The following FAXC variants were observed in gnomAD, a reference collection of about 807,000 sequenced individuals.
FAXC encodes failed axon connections homolog, metaxin like GST domain containing.
In FAXC, 10 loss-of-function variants were observed where a neutral mutation model predicts 41.9. The observed-to-expected ratio is 0.24, with a 90% CI of 0.15 to 0.41. FAXC has a LOEUF of 0.41. Among genes scored for constraint, FAXC ranks in the 10% least tolerant of loss-of-function variants. The pLI is 1.00. For missense variants in FAXC, 399 were observed against 510.9 expected (o/e 0.78, Z 2.11); for synonymous variants, 183 against 183.8 (o/e 1.00, Z 0.03).
At chr6:99,308,564 T>A (rs893911980) in intron 4 of FAXC, among the ~76,000 whole-genome samples, 1 of 151,526 alleles carries the variant, frequency 6.6e-6, no homozygotes, top group African/African-American at 2.4e-5. Flanking sequence ...AGGGAAATTA[T>A]TCCTCAGAAG....
rs970710875 is a variant in FAXC at position 99,319,364 on chromosome 6, A to C, written c.823+4080T>G. Among the ~76,000 whole-genome samples the C allele has an allele frequency of 3.5e-5, 5 of 144,084 alleles. No individual in the cohort carries two copies. The East Asian group carries it at 6.0e-4, about 17-fold the overall frequency. 94.5% of individuals were successfully genotyped at this position (144,084 alleles called of 152,430 possible). ...CAGTGAGCCGAGATTGCACCACTGCACTCTAGCCTGGGCGACAGAGCGAGA... is the reference window on the plus strand; with the variant it reads ...CAGTGAGCCGAGATTGCACCACTGCCCTCTAGCCTGGGCGACAGAGCGAGA... On this transcript the variant is annotated intron_variant, in intron 4 of 5. Transcript: ENST00000389677.
intron 3 of FAXC, among the ~76,000 whole-genome samples, chr6:99,330,885 AG>A (rs1773003648): frequency 6.6e-6 from 1 of 152,216 alleles, no homozygotes; most frequent in South Asian, 2.1e-4. Flanking sequence ...AGAAGAGCAG[AG>A]GATGGGAGGT....
rs1582595817 is a variant in FAXC, at chr6:99,272,192, T to TGTGTGTGTGTGTG, written c.*8971_*8972insCACACACACACAC. ...TGTGTGTGTGTGTGTGTGTGTGTGT[T>TGTGTGTGTGTGTG]TGAGATGGAGTTTTGCTCTTGTTGC... On this transcript the variant is annotated 3_prime_UTR_variant, in exon 6 of 6. Coordinates refer to ENST00000389677, the MANE Select transcript of FAXC (RefSeq NM_032511.4). The TGTGTGTGTGTGTG allele has an allele frequency of 4.2e-5, 4 of 95,236 alleles. No homozygotes were observed. Among genetic ancestry groups the TGTGTGTGTGTGTG allele is most frequent in the African/African-American group, 7.2e-5 (2 of 27,816 alleles). The allele number at this position is 95,236 out of a possible 1,614,324, so 5.9% of individuals were successfully genotyped here.
rs1007798716 is a variant in FAXC, at chr6:99,272,090, T to C, written c.*9074A>G. Reference sequence around the variant, plus strand: ...CATCCCAAACGTCTTTCTTCATCTGTAATTTGGGAACAATAATTACTTTAT... The same window carrying C: ...CATCCCAAACGTCTTTCTTCATCTGCAATTTGGGAACAATAATTACTTTAT... On this transcript the variant is annotated 3_prime_UTR_variant, in exon 6 of 6. Coordinates refer to ENST00000389677, the MANE Select transcript of FAXC (RefSeq NM_032511.4). 2.6e-5 allele frequency: 4 copies of C among 152,056 alleles called. No individual in the cohort carries two copies. Among genetic ancestry groups the C allele is most frequent in the Admixed American group, 1.3e-4 (2 of 15,270 alleles). The allele number at this position is 152,056 out of a possible 1,614,324, so 9.4% of individuals were successfully genotyped here.
chr6:99,338,399 G>A (rs1773295268), intron 2 of FAXC, among the ~76,000 whole-genome samples: 1 of 152,170 alleles, frequency 6.6e-6, no homozygotes, highest in Non-Finnish European at 1.5e-5. Flanking sequence ...AGGCAGATAT[G>A]CTGCAGGTAA....
At chr6:99,348,998 C>T (rs1773694369) in intron 1 of FAXC, 109 bp downstream of exon 1, 1 of 1,073,000 alleles carries the variant, frequency 9.3e-7, no homozygotes, top group Non-Finnish European at 1.4e-6. Flanking sequence ...GGCGCTTGGG[C>T]ATCTGGGCAG....
At chr6:99,301,363 GTC>G (rs1771699727) in intron 4 of FAXC, among the ~76,000 whole-genome samples, 1 of 152,194 alleles carries the variant, frequency 6.6e-6, no homozygotes, top group Admixed American at 6.5e-5. Context: ...GAATGTGCTT[GTC>G]TCTGTGCCCT....
Position 99,271,649 on chromosome 6 carries a change from C to T in FAXC, c.*9515G>A, listed in dbSNP as rs1160069101. The T allele has an allele frequency of 6.6e-6, 1 of 152,182 alleles. No individual in the cohort carries two copies. The highest frequency in any genetic ancestry group is 1.5e-5 in the Non-Finnish European group (1 of 68,032). The allele number at this position is 152,182 out of a possible 1,614,324, so 9.4% of individuals were successfully genotyped here. On this transcript the variant is annotated 3_prime_UTR_variant, in exon 6 of 6. Coordinates refer to ENST00000389677, the MANE Select transcript of FAXC (RefSeq NM_032511.4). ...CTGAGAAAAACCCAGATCCAAAACACTTCTGGTCCCAAGCACTTCAGATAA... is the reference window on the plus strand; with the variant it reads ...CTGAGAAAAACCCAGATCCAAAACATTTCTGGTCCCAAGCACTTCAGATAA...
chr6:99,348,283 T>C (rs906676373), intron 1 of FAXC, among the ~76,000 whole-genome samples: 5 of 152,222 alleles, frequency 3.3e-5, no homozygotes, highest in Non-Finnish European at 7.3e-5. Context: ...TAACCATTAA[T>C]TGATGTATCA....
intron 4 of FAXC, among the ~76,000 whole-genome samples, chr6:99,318,652 A>G (rs1772466493): frequency 6.6e-6 from 1 of 152,222 alleles, no homozygotes; most frequent in Admixed American, 6.5e-5. Context: ...TATGAGAATA[A>G]CTATTTATTT....
rs1156669075 is a variant in FAXC at position 99,339,760 on chromosome 6, G to T, written c.402+3138C>A. 2.0e-5 allele frequency among the ~76,000 whole-genome samples: 3 copies of T among 152,202 alleles called. No homozygotes were observed. The East Asian group carries it at 5.8e-4, about 29-fold the overall frequency. The stretch of plus-strand genomic sequence containing the variant: ...CAATGCAAAGGAAGCTCAGAGAGAG[G>T]AATGCTTCCAGAAAGAAGCAGAAAA... On this transcript the variant is annotated intron_variant, in intron 2 of 5. Transcript: ENST00000389677.
intron 4 of FAXC, among the ~76,000 whole-genome samples, chr6:99,308,094 C>T (rs374458932): frequency 2.0e-5 from 3 of 152,106 alleles, no homozygotes; most frequent in Admixed American, 1.3e-4. Context: ...ATCAGGAGTT[C>T]GGGACCAGCC....
chr6:99,288,047 A>T (rs2128448410), intron 5 of FAXC, among the ~76,000 whole-genome samples: 1 of 152,344 alleles, frequency 6.6e-6, no homozygotes, highest in East Asian at 1.9e-4. Flanking sequence ...ATGAGGCCCA[A>T]AATCAATCCT....
At chr6:99,281,944 G>T (rs1180086234) in intron 5 of FAXC, among the ~76,000 whole-genome samples, 2 of 152,194 alleles carry the variant, frequency 1.3e-5, no homozygotes, top group East Asian at 3.8e-4. Flanking sequence ...CTGGAATAAC[G>T]GGGAAGGTAA....
intron 1 of FAXC, 91 bp downstream of exon 1, chr6:99,349,016 G>C: frequency 2.3e-6 from 3 of 1,302,238 alleles, no homozygotes; most frequent in Non-Finnish European, 3.2e-6. Context: ...CAGCTTGACC[G>C]AGGGGCTGGC....
At chr6:99,331,541 T>C (rs920808437) in intron 3 of FAXC, among the ~76,000 whole-genome samples, 11 of 152,212 alleles carry the variant, frequency 7.2e-5, no homozygotes, top group African/African-American at 2.4e-4. Flanking sequence ...TGTGTGGTAG[T>C]TGGAAATGTT....
intron 4 of FAXC, among the ~76,000 whole-genome samples, chr6:99,303,776 T>C (rs749781952): frequency 7.9e-5 from 12 of 152,202 alleles, no homozygotes; most frequent in Non-Finnish European, 1.5e-4. Context: ...TAACTTGTAT[T>C]AGAAGGTGAG....
rs955558772 is a variant in FAXC at position 99,349,581 on chromosome 6, G to A, written c.-209C>T. The A allele has an allele frequency of 2.7e-5, 5 of 185,522 alleles. No individual in the cohort carries two copies. The highest frequency in any genetic ancestry group is 4.8e-5 in the African/African-American group (2 of 41,954). 11.5% of individuals were successfully genotyped at this position (185,522 alleles called of 1,614,324 possible). On this transcript the variant is annotated 5_prime_UTR_variant, in exon 1 of 6. Transcript: ENST00000389677. ...GCCGCGGACGGCGGGCCTGGCCGGC[G>A]GGGCCCCAGAGCCCTGGGCGGCAGC...
intron 4 of FAXC, among the ~76,000 whole-genome samples, chr6:99,292,769 T>C (rs988626412): frequency 6.6e-6 from 1 of 152,180 alleles, no homozygotes; most frequent in Non-Finnish European, 1.5e-5. Flanking sequence ...AGCCCCTACC[T>C]TTCTCCAGTC....
Sources: allele counts gnomAD v4.1 joint callset (sites outside exome capture counted in the v4.1 genomes callset), GRCh38; gene constraint gnomAD v4.1.1; transcripts MANE v1.5; gene names NCBI Gene and HGNC (gene_info 2026-07-23, HGNC 2026-07-21).